The following NCKAP5 variants were observed in gnomAD, a reference collection of about 807,000 sequenced individuals.
NCKAP5 encodes nck-associated protein 5.
A neutral mutation model predicts 167.0 loss-of-function variants in NCKAP5; 92 were observed. The observed-to-expected ratio is 0.55, with a 90% CI of 0.47 to 0.66. The LOEUF is 0.66. Among genes scored for constraint, NCKAP5 ranks in the 30% least tolerant of loss-of-function variants. The pLI is 0.00. For missense variants in NCKAP5, 2,378 were observed against 2,315.0 expected (o/e 1.03, Z -0.56); for synonymous variants, 891 against 877.4 (o/e 1.02, Z -0.27).
chr2:133,132,703 G>T (rs2082651848), intron 5 of NCKAP5, among the ~76,000 whole-genome samples: 1 of 144,936 alleles, frequency 6.9e-6, no homozygotes, highest in Non-Finnish European at 1.5e-5. Flanking sequence ...TGGAGGCAGA[G>T]TCTCTCTCTG....
At chr2:133,177,992 C>T (rs1232681626) in intron 5 of NCKAP5, among the ~76,000 whole-genome samples, 2 of 152,162 alleles carry the variant, frequency 1.3e-5, no homozygotes, top group Admixed American at 6.5e-5. Context: ...TAGCAAGGCC[C>T]TTCTTCCCAT....
At chr2:132,681,947 G>T (rs1685289326) in intron 19 of NCKAP5, among the ~76,000 whole-genome samples, 1 of 152,146 alleles carries the variant, frequency 6.6e-6, no homozygotes, top group South Asian at 2.1e-4. Context: ...ATTGGAGGGT[G>T]CAAGAATGTT....
intron 8 of NCKAP5, among the ~76,000 whole-genome samples, chr2:132,946,717 C>A (rs751769676): frequency 6.6e-6 from 1 of 152,018 alleles, no homozygotes; most frequent in African/African-American, 2.4e-5. Flanking sequence ...GGCAACATGA[C>A]GAAACCCTGT....
intron 3 of NCKAP5, among the ~76,000 whole-genome samples, chr2:133,437,568 C>T (rs780053403): frequency 1.1e-4 from 17 of 152,068 alleles, no homozygotes; most frequent in Non-Finnish European, 2.4e-4. Flanking sequence ...GTGTTTTTCC[C>T]GAGGCCCTAC....
At chr2:133,063,772 C>A (rs2080091057) in intron 6 of NCKAP5, among the ~76,000 whole-genome samples, 2 of 152,284 alleles carry the variant, frequency 1.3e-5, no homozygotes, top group South Asian at 2.1e-4. Flanking sequence ...GAGTTACTAC[C>A]AACTTTTGAC....
chr2:132,809,198 T>C (rs1056336262), intron 11 of NCKAP5, among the ~76,000 whole-genome samples: 1 of 152,210 alleles, frequency 6.6e-6, no homozygotes, highest in African/African-American at 2.4e-5. Flanking sequence ...ATATGGTCTA[T>C]CTTGGAGAAA....
chr2:132,954,247 G>GT (rs1371636324), intron 8 of NCKAP5, among the ~76,000 whole-genome samples: 4 of 152,262 alleles, frequency 2.6e-5, no homozygotes, highest in Non-Finnish European at 5.9e-5. Context: ...CTTTGAAATT[G>GT]TTTCAGCAGC....
At chr2:132,794,162 C>A (rs1224459621) in intron 12 of NCKAP5, among the ~76,000 whole-genome samples, 1 of 146,736 alleles carries the variant, frequency 6.8e-6, no homozygotes, top group Non-Finnish European at 1.5e-5. Flanking sequence ...CAGCCCCTGA[C>A]AAACGCTGGT....
chr2:133,322,819 C>T (rs985947732), intron 3 of NCKAP5, among the ~76,000 whole-genome samples: 1 of 152,168 alleles, frequency 6.6e-6, no homozygotes, highest in Non-Finnish European at 1.5e-5. Flanking sequence ...ACTAGTACCA[C>T]CTGGAGAGCT....
intron 19 of NCKAP5, among the ~76,000 whole-genome samples, chr2:132,720,868 G>A (rs1186962405): frequency 6.6e-6 from 1 of 152,098 alleles, no homozygotes; most frequent in Non-Finnish European, 1.5e-5. Context: ...AAAATTAGCT[G>A]AGTGTGGTGG....
the NCKAP5 span, among the ~76,000 whole-genome samples, chr2:133,583,544 C>T: frequency 7.2e-5 from 11 of 152,214 alleles, no homozygotes; most frequent in South Asian, 2.3e-3. Flanking sequence ...CTCAATACTC[C>T]TTTATAGCGA....
chr2:132,856,392 T>C (rs146592845), intron 11 of NCKAP5, among the ~76,000 whole-genome samples: 26 of 152,108 alleles, frequency 1.7e-4, no homozygotes, highest in Admixed American at 5.2e-4. Flanking sequence ...CTGGAAATAA[T>C]GATATAAAAC....
intron 9 of NCKAP5, among the ~76,000 whole-genome samples, chr2:132,872,115 A>AGCAGCTGTGCTT (rs1282879976): frequency 7.7e-4 from 118 of 152,362 alleles, no homozygotes; most frequent in African/African-American, 2.6e-3. Context: ...CAGCTGTGCT[A>AGCAGCTGTGCTT]GGCTGCAAGG....
intron 3 of NCKAP5, among the ~76,000 whole-genome samples, chr2:133,413,497 T>C (rs1688905951): frequency 6.6e-6 from 1 of 152,074 alleles, no homozygotes; most frequent in African/African-American, 2.4e-5. Context: ...TATACTATAG[T>C]TATATGTGAT....
chr2:133,353,685 G>C (rs1273533140), intron 3 of NCKAP5, among the ~76,000 whole-genome samples: 1 of 152,182 alleles, frequency 6.6e-6, no homozygotes, highest in East Asian at 1.9e-4. Flanking sequence ...GAGAAAAGCA[G>C]AAGAACAGTG....
chr2:133,411,272 T>C (rs1190121035), intron 3 of NCKAP5, among the ~76,000 whole-genome samples: 1 of 152,140 alleles, frequency 6.6e-6, no homozygotes, highest in African/African-American at 2.4e-5. Context: ...CAGAGAGTCA[T>C]GTGTATGGGT....
intron 3 of NCKAP5, among the ~76,000 whole-genome samples, chr2:133,414,021 C>A (rs558776425): frequency 2.5e-4 from 38 of 152,114 alleles, no homozygotes; most frequent in Non-Finnish European, 3.8e-4. Context: ...GCCCTTGGGG[C>A]CTTGCACATA....
intron 15 of NCKAP5, among the ~76,000 whole-genome samples, chr2:132,774,815 T>C (rs186184158): frequency 1.3e-5 from 2 of 152,334 alleles, no homozygotes; most frequent in East Asian, 3.9e-4. Flanking sequence ...AACAGTGCTA[T>C]GAAGCAGGTG....
rs150638489 is a variant in NCKAP5, at chr2:133,363,074, G to A, written c.70-59964C>T. Among the ~76,000 whole-genome samples the A allele has an allele frequency of 2.8e-3, 427 of 152,116 alleles. 3 individuals carry two copies. The highest frequency in any genetic ancestry group is 9.6e-3 in the African/African-American group (400 of 41,524). ...AGCCACCGTGCCCAGCCATAATCAC[G>A]TATTTCTTGATAACCAAGAAGCAGG... On this transcript the variant is annotated intron_variant, in intron 3 of 19. Coordinates refer to ENST00000409261, the MANE Select transcript of NCKAP5 (RefSeq NM_207363.3).
Sources: allele counts gnomAD v4.1 joint callset (sites outside exome capture counted in the v4.1 genomes callset), GRCh38; gene constraint gnomAD v4.1.1; transcripts MANE v1.5; gene names NCBI Gene and HGNC (gene_info 2026-07-23, HGNC 2026-07-21).